SMOC2: variants seen among roughly 807,000 people sequenced by gnomAD.
SMOC2 encodes the protein SPARC related modular calcium binding 2, also known as SPARC-related modular calcium-binding protein 2.
Under a neutral mutation model 61.4 loss-of-function variants are expected in SMOC2, and 39 were observed. That is an observed-to-expected ratio of 0.64 (90% CI 0.49 to 0.83). The LOEUF is 0.83. Ranked by LOEUF, SMOC2 falls within the 40% of genes least tolerant of loss-of-function variation. The pLI is 0.00. For synonymous variants in SMOC2, 247 were observed against 239.9 expected (o/e 1.03, Z -0.27); for missense variants, 556 against 592.9 (o/e 0.94, Z 0.65).
At chr6:168,458,451 A>G (rs1450592215) in intron 1 of SMOC2, among the ~76,000 whole-genome samples, 1 of 152,004 alleles carries the variant, frequency 6.6e-6, no homozygotes. Context: ...CTGGATTCCC[A>G]CTCGCCATGG....
intron 7 of SMOC2, among the ~76,000 whole-genome samples, chr6:168,582,110 T>A (rs945674903): frequency 2.6e-5 from 4 of 152,216 alleles, no homozygotes; most frequent in African/African-American, 7.2e-5. Flanking sequence ...CAGCACCAGG[T>A]TCCAGGCACA....
At chr6:168,548,637 A>G (rs1472725599) in intron 6 of SMOC2, among the ~76,000 whole-genome samples, 4 of 151,914 alleles carry the variant, frequency 2.6e-5, no homozygotes, top group African/African-American at 9.7e-5. Context: ...AAGCGCTGGG[A>G]TTAACAGGTG....
At chr6:168,488,615 C>T (rs1385043830) in intron 1 of SMOC2, among the ~76,000 whole-genome samples, 9 of 152,222 alleles carry the variant, frequency 5.9e-5, no homozygotes, top group Non-Finnish European at 1.2e-4. Flanking sequence ...GATCAGGACC[C>T]AGGTTCTCAA....
At position 168,453,503 on chromosome 6, in the gene SMOC2, C is replaced by CT. The variant is rs1404720918; in HGVS notation, c.84+12055dup. ...TCAGTTTCTGCCATTCTCTCGCTCT[C>CT]TTTTTTGTCTCTCTGTCTCTCTCTG... On this transcript the variant is annotated intron_variant, in intron 1 of 12. Coordinates refer to ENST00000356284, the MANE Select transcript of SMOC2 (RefSeq NM_001166412.2). This position sits in a 1 kb window ranked among gnomAD's most constrained non-coding sequence, Gnocchi z 4.4. Among the ~76,000 whole-genome samples the CT allele has an allele frequency of 6.6e-6, 1 of 151,952 alleles. No homozygotes were observed. The highest frequency in any genetic ancestry group is 1.5e-5 in the Non-Finnish European group (1 of 67,982).
At chr6:168,454,568 C>T (rs574006947) in intron 1 of SMOC2, among the ~76,000 whole-genome samples, 2 of 152,268 alleles carry the variant, frequency 1.3e-5, no homozygotes, top group East Asian at 3.9e-4. Flanking sequence ...GGCACCTGGG[C>T]AGTGAGACCA....
chr6:168,532,231 T>C (rs1158253116), intron 4 of SMOC2, among the ~76,000 whole-genome samples: 1 of 152,072 alleles, frequency 6.6e-6, no homozygotes, highest in African/African-American at 2.4e-5. Context: ...TAGATGGCTT[T>C]ATGCTCAGGG....
At chr6:168,456,289 AGGCTCT>A (rs910562446) in intron 1 of SMOC2, among the ~76,000 whole-genome samples, 19 of 151,642 alleles carry the variant, frequency 1.3e-4, no homozygotes, top group African/African-American at 4.3e-4. Context: ...GGCAAGAGCA[AGGCTCT>A]GGGTTTTTGC....
chr6:168,622,585 G>A (rs904191657), intron 9 of SMOC2, among the ~76,000 whole-genome samples: 15 of 151,952 alleles, frequency 9.9e-5, no homozygotes, highest in East Asian at 1.9e-4. Context: ...ATGTGTGCTC[G>A]GTTTCTTCCT....
At chr6:168,604,320 A>G (rs1785632528) in intron 8 of SMOC2, among the ~76,000 whole-genome samples, 2 of 152,246 alleles carry the variant, frequency 1.3e-5, no homozygotes, top group South Asian at 2.1e-4. Flanking sequence ...CCATGGCTAA[A>G]CCCACTGCTG....
rs1388350810 is a variant in SMOC2, at chr6:168,546,257, A to G, written c.512-862A>G. 4.9e-4 allele frequency among the ~76,000 whole-genome samples: 60 copies of G among 122,148 alleles called. 1 individual carries two copies. The East Asian group carries it at 8.1e-3, about 16-fold the overall frequency. 80.1% of individuals were successfully genotyped at this position (122,148 alleles called of 152,430 possible). ...GATATAAGCAAGCTTCAGTGAAAAA[A>G]AAAAAAAAAAAAAAAAAAAAGGATG... is the stretch of plus-strand genomic sequence containing the variant. On this transcript the variant is annotated intron_variant, in intron 5 of 12. Transcript: ENST00000356284.
rs143357632 is a variant in SMOC2 at position 168,646,897 on chromosome 6, T to C, written c.908-3784T>C. Among the ~76,000 whole-genome samples the C allele has an allele frequency of 6.6e-5, 10 of 152,372 alleles. No individual in the cohort carries two copies. In the East Asian group the frequency reaches 1.2e-3, roughly 18 times the overall value. The stretch of plus-strand genomic sequence containing the variant: ...CCTGAGGATACTTGGGCTAAGCTAC[T>C]CCCTTCATTGTTTTGCCACAGATTG... On this transcript the variant is annotated intron_variant, in intron 9 of 12. Transcript: ENST00000356284.
At chr6:168,462,834 G>A (rs1781744808) in intron 1 of SMOC2, among the ~76,000 whole-genome samples, 1 of 152,194 alleles carries the variant, frequency 6.6e-6, no homozygotes, top group Non-Finnish European at 1.5e-5. Context: ...TCTCTGTGTA[G>A]AGCTGTGTGA....
chr6:168,597,255 G>T lies in SMOC2; in HGVS notation c.638-1563G>T, dbSNP rs563923625. ...ACATTTGGTAATATAGTCAGTAATG[G>T]ACTAATCATAAAATTACGAATCTGA... On this transcript the variant is annotated intron_variant, in intron 7 of 12. Transcript: ENST00000356284. 4.6e-5 allele frequency among the ~76,000 whole-genome samples: 7 copies of T among 152,262 alleles called. No individual in the cohort carries two copies. The South Asian group carries it at 1.5e-3, about 32-fold the overall frequency.
intron 7 of SMOC2, among the ~76,000 whole-genome samples, chr6:168,595,990 T>TGTG (rs1785321697): frequency 6.6e-6 from 1 of 152,166 alleles, no homozygotes; most frequent in African/African-American, 2.4e-5. Context: ...GAAGAAGCGC[T>TGTG]GCGGCGGTGC....
rs1562371797 is a variant in SMOC2, at chr6:168,598,935, A to T, written c.755A>T (p.His252Leu). The T allele has an allele frequency of 6.2e-7, 1 of 1,613,318 alleles. No homozygotes were observed. The highest frequency in any genetic ancestry group is 1.1e-5 in the South Asian group (1 of 91,050). ...HGGLYKPVQC[H>L]PSTGYCWCVL... ...GGCCTCTACAAGCCAGTGCAGTGCC[A>T]CCCCTCCACGGGGTACTGCTGGTGC... is the stretch of plus-strand genomic sequence containing the variant. The change falls in exon 8 of 13, where the codon CAC (histidine) becomes CTC (leucine). Residue 252 changes from histidine (H) to leucine (L), a missense_variant. By Grantham distance (99) the His-to-Leu change is moderately conservative. Transcript: ENST00000356284.
At chr6:168,627,774 G>A (rs931941708) in intron 9 of SMOC2, among the ~76,000 whole-genome samples, 1 of 152,188 alleles carries the variant, frequency 6.6e-6, no homozygotes, top group African/African-American at 2.4e-5. Context: ...CTGCACAGCT[G>A]TGAGGGCACG....
rs73789137 is a variant in SMOC2 at position 168,590,715 on chromosome 6, A to C, written c.638-8103A>C. On this transcript the variant is annotated intron_variant, in intron 7 of 12. Coordinates refer to ENST00000356284, the MANE Select transcript of SMOC2 (RefSeq NM_001166412.2). The stretch of plus-strand genomic sequence containing the variant: ...ATAAAAATGCTTTAGGCGTCGTCAT[A>C]CTGAATCAAGTAGACTTCATTTAAT... Among the ~76,000 whole-genome samples the C allele has an allele frequency of 1.6e-3, 250 of 152,354 alleles. 1 individual carries two copies. Among genetic ancestry groups the C allele is most frequent in the African/African-American group, 5.8e-3 (240 of 41,572 alleles).
intron 1 of SMOC2, among the ~76,000 whole-genome samples, chr6:168,486,246 G>A (rs547115268): frequency 5.3e-5 from 8 of 152,248 alleles, no homozygotes; most frequent in African/African-American, 1.4e-4. Flanking sequence ...AAAGTCTAGT[G>A]GCAGAACTGG....
chr6:168,653,330 G>A (rs1229412835), intron 11 of SMOC2, 102 bp downstream of exon 11: 1 of 1,412,340 alleles, frequency 7.1e-7, no homozygotes, highest in South Asian at 1.4e-5. Flanking sequence ...TATGGCCTGG[G>A]AGTGCAAAAA....
Sources: allele counts gnomAD v4.1 joint callset (sites outside exome capture counted in the v4.1 genomes callset), GRCh38; gene constraint gnomAD v4.1.1; non-coding constraint Gnocchi (gnomAD v3.1); transcripts MANE v1.5; gene names NCBI Gene and HGNC (gene_info 2026-07-23, HGNC 2026-07-21).